The following ASAH1 variants were observed in gnomAD, a reference collection of about 807,000 sequenced individuals.
The protein encoded by ASAH1 is acid ceramidase.
ASAH1 carries 70 observed loss-of-function variants against 59.5 expected under a neutral mutation model. The ratio of observed to expected loss-of-function variants is 1.18; its 90% CI spans 0.97 to 1.43. The LOEUF is 1.43. ASAH1 is among the 40% of genes most tolerant of loss of function. ASAH1 has a pLI of 0.00. For missense variants in ASAH1, 660 were observed against 482.5 expected (o/e 1.37, Z -3.45); for synonymous variants, 213 against 166.5 (o/e 1.28, Z -2.15).
At chr8:18,073,162 T>C in intron 2 of ASAH1, 1 of 1,180,620 alleles carries the variant, frequency 8.5e-7, no homozygotes, top group East Asian at 2.5e-5. Flanking sequence ...TAGCCATAAT[T>C]GCACATTTTA....
In ASAH1 at chr8:18,069,729, T is replaced by C. The variant is rs1447736460; in HGVS notation, c.303+63A>G. 2.4e-6 allele frequency: 3 copies of C among 1,248,950 alleles called. No homozygotes were observed. The African/African-American group carries it at 4.3e-5, about 18-fold the overall frequency. The allele number at this position is 1,248,950 out of a possible 1,614,324, so 77.4% of individuals were successfully genotyped here. On this transcript the variant is annotated intron_variant, in intron 4 of 13. Transcript: ENST00000637790. ...CGAAGAGGTTGCTGAATTATGCCTT[T>C]AAATAAATAACAGCGCATTTTCTAT...
At chr8:18,058,010 C>T (rs539763477) in intron 13 of ASAH1, 178 of 158,732 alleles carry the variant, frequency 1.1e-3, no homozygotes, top group South Asian at 9.5e-3. Flanking sequence ...GGAGACCTGC[C>T]GGTGTCCTAT....
chr8:18,072,732 G>T (rs1428352549), intron 2 of ASAH1, among the ~76,000 whole-genome samples: 4 of 152,156 alleles, frequency 2.6e-5, no homozygotes, highest in African/African-American at 9.7e-5. Flanking sequence ...AATTCAGTAA[G>T]TAATTATTGT....
chr8:18,064,175 G>C (rs532542017), intron 6 of ASAH1: 7 of 563,128 alleles, frequency 1.2e-5, no homozygotes, highest in South Asian at 2.5e-5. Context: ...CATGTAGATG[G>C]GTAGAAGTAA....
chr8:18,063,306 T>A (rs914132689), intron 6 of ASAH1, 76 bp from the exon 7 acceptor site: 3 of 1,186,674 alleles, frequency 2.5e-6, no homozygotes, highest in African/African-American at 1.5e-5. Context: ...TAATTTTGAT[T>A]AATTAATTTA....
chr8:18,078,709 A>C (rs1800518047), intron 1 of ASAH1, among the ~76,000 whole-genome samples: 1 of 152,222 alleles, frequency 6.6e-6, no homozygotes, highest in Non-Finnish European at 1.5e-5. Flanking sequence ...GTTTAATAAC[A>C]GACAACTCTA....
intron 5 of ASAH1, 77 bp downstream of exon 5, chr8:18,067,143 A>ATATCTAAGACATACAGCACCTGTGT: frequency 7.6e-7 from 1 of 1,321,252 alleles, no homozygotes; most frequent in Non-Finnish European, 1.1e-6. Flanking sequence ...CCTGTGCTGT[A>ATATCTAAGACATACAGCACCTGTGT]TGTATATCAC....
chr8:18,080,763 G>A (rs1800619262), intron 1 of ASAH1, among the ~76,000 whole-genome samples: 1 of 152,056 alleles, frequency 6.6e-6, no homozygotes, highest in Non-Finnish European at 1.5e-5. Context: ...TCTCCATGTT[G>A]GCCAGGCTAG....
chr8:18,058,378 T>C (rs905242868), intron 13 of ASAH1: 12 of 163,366 alleles, frequency 7.3e-5, no homozygotes, highest in African/African-American at 2.9e-4. Context: ...TGTTAGCGAG[T>C]GGTGGGATGA....
intron 2 of ASAH1, among the ~76,000 whole-genome samples, chr8:18,073,061 C>A (rs1033361620): frequency 2.6e-5 from 4 of 152,108 alleles, no homozygotes; most frequent in African/African-American, 9.7e-5. Context: ...TGATGAGACC[C>A]CACAAACCTC....
chr8:18,061,835 A>G, intron 8 of ASAH1, 95 bp from the exon 9 acceptor site: 1 of 1,175,768 alleles, frequency 8.5e-7, no homozygotes, highest in Non-Finnish European at 1.2e-6. Flanking sequence ...ATAAAGGCCT[A>G]GCTTGGGTAA....
In ASAH1 at chr8:18,072,219, T is replaced by C. The variant is rs1185331607; in HGVS notation, c.126-829A>G. Among the ~76,000 whole-genome samples the C allele has an allele frequency of 2.6e-5, 4 of 152,192 alleles. No homozygotes were observed. The East Asian group carries it at 7.7e-4, about 29-fold the overall frequency. ...TGGTTTATCAGTATAAACCTATGCC[T>C]AAAAATAACCATCATCTGTTCCACT... On this transcript the variant is annotated intron_variant, in intron 2 of 13. Coordinates refer to ENST00000637790, the MANE Select transcript of ASAH1 (RefSeq NM_177924.5).
upstream of ASAH1, chr8:18,084,261 GAA>G (rs1800797654): frequency 6.9e-7 from 1 of 1,451,234 alleles, no homozygotes. Flanking sequence ...GTGGCGTAGA[GAA>G]AGAGAGAGAG....
intron 4 of ASAH1, chr8:18,068,714 C>A (rs1277686269): frequency 6.6e-6 from 1 of 152,128 alleles, no homozygotes; most frequent in Admixed American, 6.6e-5. Context: ...AGACACCCAC[C>A]CCAGGCCGGG....
In ASAH1 at chr8:18,061,758, C is replaced by A. The variant is rs777173103; in HGVS notation, c.649-18G>T. The A allele has an allele frequency of 1.9e-6, 3 of 1,560,756 alleles. No homozygotes were observed. The South Asian group carries it at 3.5e-5, about 18-fold the overall frequency. On this transcript the variant is annotated intron_variant, in intron 8 of 13. Transcript: ENST00000637790. ...AACAGTCCCTGAGAAAAAGACAAAG[C>A]AACGAAGTCAGAAACATCAACCATG...
chr8:18,061,651 G>T, intron 9 of ASAH1, 35 bp downstream of exon 9: 1 of 1,574,160 alleles, frequency 6.4e-7, no homozygotes, highest in East Asian at 2.3e-5. Context: ...AAAAAGCTCT[G>T]AGATTCCCAT....
At chr8:18,072,838 G>A (rs1033726632) in intron 2 of ASAH1, among the ~76,000 whole-genome samples, 1 of 152,082 alleles carries the variant, frequency 6.6e-6, no homozygotes, top group Non-Finnish European at 1.5e-5. Flanking sequence ...TCAGTGGCCT[G>A]TTGGAGATAT....
intron 8 of ASAH1, 42 bp downstream of exon 8, chr8:18,062,237 C>T (rs1169909066): frequency 6.2e-7 from 1 of 1,613,394 alleles, no homozygotes; most frequent in South Asian, 1.1e-5. Flanking sequence ...GGTAACAGGA[C>T]AGAAGGCTAC....
chr8:18,075,409 C>G (rs1800361949), intron 2 of ASAH1, 132 bp downstream of exon 2: 2 of 1,002,570 alleles, frequency 2.0e-6, no homozygotes, highest in Non-Finnish European at 3.2e-6. Flanking sequence ...ATCTGAGAAA[C>G]AAACCTCTGT....
Sources: allele counts gnomAD v4.1 joint callset (sites outside exome capture counted in the v4.1 genomes callset), GRCh38; gene constraint gnomAD v4.1.1; transcripts MANE v1.5; gene names NCBI Gene and HGNC (gene_info 2026-07-23, HGNC 2026-07-21).